Variants in GIGYF2 observed in about 807,000 individuals in gnomAD.
GIGYF2 encodes GRB10 interacting GYF protein 2.
A neutral mutation model predicts 208.1 loss-of-function variants in GIGYF2; 25 were observed. The ratio of observed to expected loss-of-function variants is 0.12; its 90% confidence interval spans 0.09 to 0.17. The LOEUF is 0.17. Among genes scored for constraint, GIGYF2 ranks in the 10% least tolerant of loss-of-function variants. The probability of loss-of-function intolerance (pLI) is 1.00; values close to 1 mark genes in which losing one functional copy is unlikely to be tolerated. For synonymous variants in GIGYF2, 534 were observed against 543.8 expected (o/e 0.98, Z 0.25); for missense variants, 1,302 against 1,579.4 (o/e 0.82, Z 2.98).
intron 8 of GIGYF2, chr2:232,770,951 G>A: frequency 6.2e-7 from 1 of 1,614,008 alleles, no homozygotes; most frequent in Non-Finnish European, 8.5e-7. Context: ...TGTATGGCAA[G>A]TAAGGCGATT....
intron 2 of GIGYF2, among the ~76,000 whole-genome samples, chr2:232,720,589 GT>G (rs1295951533): frequency 6.6e-5 from 9 of 135,740 alleles, no homozygotes; most frequent in East Asian, 2.1e-4. Context: ...ATATATTTTT[GT>G]TTGTTTGTTT....
At chr2:232,724,018 G>A (rs537897808) in intron 2 of GIGYF2, among the ~76,000 whole-genome samples, 1 of 151,698 alleles carries the variant, frequency 6.6e-6, no homozygotes, top group African/African-American at 2.4e-5. Flanking sequence ...ACGGGTATGA[G>A]CCACTGCGCC....
At chr2:232,755,775 A>G (rs1266725733) in intron 5 of GIGYF2, among the ~76,000 whole-genome samples, 1 of 152,194 alleles carries the variant, frequency 6.6e-6, no homozygotes, top group Non-Finnish European at 1.5e-5. Context: ...ATTGATGTGC[A>G]GAATGTCCTA....
rs941988791 is a variant in GIGYF2, at chr2:232,806,727, A to T, written c.1806+70A>T. The stretch of plus-strand genomic sequence containing the variant: ...ACACTTGATTCTCTTTGAAAACACA[A>T]CCCAAATATATCATCTAATGAAGGA... On this transcript the variant is annotated intron_variant, in intron 15 of 28. Transcript: ENST00000373563. This position sits in a 1 kb window ranked among gnomAD's most constrained non-coding sequence, Gnocchi z 4.0. The T allele has an allele frequency of 9.9e-7, 1 of 1,014,480 alleles. No individual in the cohort carries two copies. The highest frequency in any genetic ancestry group is 1.3e-5 in the South Asian group (1 of 79,094). The allele number at this position is 1,014,480 out of a possible 1,614,324, so 62.8% of individuals were successfully genotyped here. A position where few individuals can be genotyped will look rare whatever the true frequency, so the allele number is the denominator to read the frequency against.
intron 23 of GIGYF2, among the ~76,000 whole-genome samples, chr2:232,843,595 C>G (rs1280477161): frequency 2.0e-5 from 3 of 150,484 alleles, no homozygotes; most frequent in African/African-American, 7.3e-5. Flanking sequence ...ATTCTGAGGC[C>G]GGGCACTGTG....
intron 26 of GIGYF2, among the ~76,000 whole-genome samples, chr2:232,846,875 ACT>A (rs1224395355): frequency 6.6e-6 from 1 of 152,188 alleles, no homozygotes; most frequent in African/African-American, 2.4e-5. Context: ...TGTTTGTCTA[ACT>A]CTGATACTCA....
intron 1 of GIGYF2, among the ~76,000 whole-genome samples, chr2:232,699,913 T>G (rs561744782): frequency 1.6e-4 from 24 of 152,380 alleles, no homozygotes; most frequent in African/African-American, 5.5e-4. Context: ...TCCTCCACTT[T>G]TACCTTTCAG....
chr2:232,796,897 A>G (rs1182234626), intron 14 of GIGYF2, among the ~76,000 whole-genome samples: 2 of 152,200 alleles, frequency 1.3e-5, no homozygotes, highest in Non-Finnish European at 2.9e-5. Context: ...TGTGATGACA[A>G]ATATGACAGG....
At chr2:232,704,815 G>A (rs1696010926) in intron 2 of GIGYF2, among the ~76,000 whole-genome samples, 1 of 148,410 alleles carries the variant, frequency 6.7e-6, no homozygotes, top group Non-Finnish European at 1.5e-5. Flanking sequence ...AATTTCATTG[G>A]TTATTTCCAT....
intron 5 of GIGYF2, among the ~76,000 whole-genome samples, chr2:232,750,264 T>A (rs1045874693): frequency 3.3e-5 from 5 of 151,992 alleles, no homozygotes; most frequent in African/African-American, 1.2e-4. Flanking sequence ...TGCAGAAGTG[T>A]GATACACAGA....
intron 2 of GIGYF2, among the ~76,000 whole-genome samples, chr2:232,724,315 C>T (rs1452166813): frequency 6.7e-6 from 1 of 150,202 alleles, no homozygotes; most frequent in Non-Finnish European, 1.5e-5. Flanking sequence ...ATCTTGGCCT[C>T]CTAACGTGCT....
intron 9 of GIGYF2, chr2:232,788,370 A>G: frequency 4.6e-6 from 1 of 217,914 alleles, no homozygotes; most frequent in Middle Eastern, 4.7e-4. Context: ...GTTTTCTGTC[A>G]TTAGTGGGCA....
chr2:232,787,615 A>G (rs1055165571), intron 9 of GIGYF2, among the ~76,000 whole-genome samples: 5 of 152,166 alleles, frequency 3.3e-5, no homozygotes, highest in African/African-American at 1.2e-4. Flanking sequence ...AGTTTTGTCT[A>G]CCTCTAAATC....
In GIGYF2 at chr2:232,783,267, A is replaced by C. The variant is rs532759892; in HGVS notation, c.533-3883A>C. Among the ~76,000 whole-genome samples the C allele has an allele frequency of 2.0e-5, 3 of 152,372 alleles. No homozygotes were observed. The South Asian group carries it at 6.2e-4, about 32-fold the overall frequency. ...GATTTGAGGCAGAAAATTTGAAGAT[A>C]AAGAGGAAAGCAACACCAAAGAAAG... On this transcript the variant is annotated intron_variant, in intron 8 of 28. Coordinates refer to ENST00000373563, the MANE Select transcript of GIGYF2 (RefSeq NM_001103146.3).
chr2:232,720,564 A>AGT (rs1559381435), intron 2 of GIGYF2, among the ~76,000 whole-genome samples: 1 of 114,980 alleles, frequency 8.7e-6, no homozygotes, highest in South Asian at 3.3e-4. Context: ...CCAACAGTGT[A>AGT]ATATATATAT....
intron 5 of GIGYF2, among the ~76,000 whole-genome samples, chr2:232,754,789 A>G (rs1698467757): frequency 6.6e-6 from 1 of 152,070 alleles, no homozygotes; most frequent in African/African-American, 2.4e-5. Context: ...ATAGAAATAT[A>G]ATTTTTGAGT....
intron 2 of GIGYF2, among the ~76,000 whole-genome samples, chr2:232,709,816 A>T (rs1338127317): frequency 6.6e-6 from 1 of 151,946 alleles, no homozygotes; most frequent in Non-Finnish European, 1.5e-5. Flanking sequence ...CTTGGAGGAA[A>T]AAAAATTGTA....
At chr2:232,723,265 C>T (rs1574796816) in intron 2 of GIGYF2, among the ~76,000 whole-genome samples, 1 of 152,142 alleles carries the variant, frequency 6.6e-6, no homozygotes, top group East Asian at 1.9e-4. Flanking sequence ...CTAATACTTC[C>T]TGCCTTCTCA....
At chr2:232,832,066 A>G (rs537971810) in intron 21 of GIGYF2, among the ~76,000 whole-genome samples, 8 of 152,326 alleles carry the variant, frequency 5.3e-5, no homozygotes, top group South Asian at 2.1e-4. Flanking sequence ...CTAGAAGCAA[A>G]TAGATAAGGA....
Sources: allele counts gnomAD v4.1 joint callset (sites outside exome capture counted in the v4.1 genomes callset), GRCh38; gene constraint gnomAD v4.1.1; non-coding constraint Gnocchi (gnomAD v3.1); transcripts MANE v1.5; gene names NCBI Gene and HGNC (gene_info 2026-07-23, HGNC 2026-07-21).